DPM1: variants seen among roughly 807,000 people sequenced by gnomAD.
DPM1 encodes dolichyl-phosphate mannosyltransferase subunit 1, catalytic.
DPM1 carries 27 observed loss-of-function variants against 39.0 expected under a neutral mutation model. That is an observed-to-expected ratio of 0.69 (90% confidence interval 0.51 to 0.95). The LOEUF is 0.95. Among genes scored for constraint, DPM1 ranks in the 40% least tolerant of loss-of-function variants. The probability of loss-of-function intolerance (pLI) is 0.00; values close to 1 mark genes in which losing one functional copy is unlikely to be tolerated. For synonymous variants in DPM1, 124 were observed against 109.0 expected, an observed-to-expected ratio of 1.14 and a Z score of -0.86; for missense variants, 307 against 315.6, an observed-to-expected ratio of 0.97 and a Z score of 0.21.
In DPM1 at chr20:50,945,789, AGTCAGT is replaced by A. The variant is rs144008206; in HGVS notation, c.373-33_373-28del. ...TGAAATTTGAAAAGAATAAACAGTA[AGTCAGT>A]AAAACAGGCTAAGACTACCATAAAT... On this transcript the variant is annotated intron_variant, in intron 4 of 8. Transcript: ENST00000371588. 3.4e-3 allele frequency: 5,536 copies of A among 1,609,002 alleles called. 19 individuals carry two copies. Among genetic ancestry groups the A allele is most frequent in the Non-Finnish European group, 4.3e-3 (5,030 of 1,175,624 alleles).
At chr20:50,935,922 AG>A (rs1435516275) in intron 8 of DPM1, among the ~76,000 whole-genome samples, 1 of 152,246 alleles carries the variant, frequency 6.6e-6, no homozygotes, top group Non-Finnish European at 1.5e-5. Flanking sequence ...AGAAAGTACC[AG>A]GAACTTTTAA....
intron 7 of DPM1, among the ~76,000 whole-genome samples, chr20:50,939,142 T>A (rs754523103): frequency 6.6e-6 from 1 of 152,130 alleles, no homozygotes; most frequent in South Asian, 2.1e-4. Context: ...AATCCTTGTA[T>A]GGTTCTGATG....
intron 5 of DPM1, among the ~76,000 whole-genome samples, chr20:50,943,338 GT>G (rs1986018668): frequency 6.6e-6 from 1 of 152,122 alleles, no homozygotes; most frequent in Admixed American, 6.5e-5. Flanking sequence ...ACAATAAACA[GT>G]GCTACAATAA....
At chr20:50,956,924 G>A (rs1305944721) in intron 1 of DPM1, among the ~76,000 whole-genome samples, 1 of 151,962 alleles carries the variant, frequency 6.6e-6, no homozygotes, top group Non-Finnish European at 1.5e-5. Context: ...GAAAAGTTTT[G>A]TTTCCTTTAT....
At chr20:50,955,888 AAAT>A (rs1399183540) in intron 1 of DPM1, among the ~76,000 whole-genome samples, 4 of 152,220 alleles carry the variant, frequency 2.6e-5, no homozygotes, top group Non-Finnish European at 5.9e-5. Flanking sequence ...ACCTATTTGG[AAAT>A]AATATTCTGA....
At chr20:50,940,740 T>C (rs1018859881) in intron 7 of DPM1, 125 bp downstream of exon 7, 6 of 812,506 alleles carry the variant, frequency 7.4e-6, no homozygotes, top group Non-Finnish European at 1.0e-5. Flanking sequence ...CTAGGAATTT[T>C]AGTCTGCCTT....
At position 50,955,193 on chromosome 20, in the gene DPM1, T is replaced by C. The variant is rs1364834319; in HGVS notation, c.254A>G (p.Asp85Gly). 1.2e-6 allele frequency: 2 copies of C among 1,611,036 alleles called. No homozygotes were observed. The highest frequency in any genetic ancestry group is 1.7e-6 in the Non-Finnish European group (2 of 1,178,042). ...AEQLEKIYGS[D>G]RILLRPREKK... ...AATGTTCTTATAACTTACAATTCTG[T>C]CTGACCCATAGATCTTCTCCAACTG... The change falls in exon 2 of 9, where the codon GAC (aspartate) becomes GGC (glycine). Residue 85 changes from aspartate (D) to glycine (G), a missense_variant. Transcript: ENST00000371588.
intron 7 of DPM1, among the ~76,000 whole-genome samples, chr20:50,938,528 G>A (rs942191892): frequency 1.3e-5 from 2 of 151,322 alleles, no homozygotes; most frequent in East Asian, 4.0e-4. Flanking sequence ...GACTACAGGC[G>A]CCCGCCACCA....
rs1345339856 is a variant in DPM1, at chr20:50,935,143, CAA to C, written c.770_771del (p.Phe257CysfsTer18). Reference protein sequence around the residue: ...VSFLKGLLTLFATT With the variant: ...VSFLKGLLTLXATT Reference sequence around the variant, plus strand: ...TGAGTATCTTTCTTTTATGTAGTAGCAAAAAGAGTCAATAATCCTTTCAAGAA... The same window carrying C: ...TGAGTATCTTTCTTTTATGTAGTAGCAAAGAGTCAATAATCCTTTCAAGAA... On this transcript the variant is annotated frameshift_variant, in exon 9 of 9. Coordinates refer to ENST00000371588, the MANE Select transcript of DPM1 (RefSeq NM_003859.3). LOFTEE classifies it high-confidence loss of function. 1.3e-6 allele frequency: 2 copies of C among 1,572,660 alleles called. No homozygotes were observed. The highest frequency in any genetic ancestry group is 1.7e-6 in the Non-Finnish European group (2 of 1,144,328).
intron 7 of DPM1, among the ~76,000 whole-genome samples, chr20:50,938,531 C>T (rs1038255432): frequency 4.6e-5 from 7 of 151,426 alleles, no homozygotes; most frequent in Non-Finnish European, 8.8e-5. Context: ...TACAGGCGCC[C>T]GCCACCACGC....
At chr20:50,941,226 GAATA>G (rs1985712048) in intron 6 of DPM1, 1 of 49,752 alleles carries the variant, frequency 2.0e-5, no homozygotes, top group Admixed American at 3.0e-4. Context: ...AAAAAAAAGT[GAATA>G]TATATATATA....
At chr20:50,958,252 G>C in intron 1 of DPM1, 111 bp downstream of exon 1, 1 of 1,435,938 alleles carries the variant, frequency 7.0e-7, no homozygotes. Context: ...GGGCCTTCCT[G>C]TGTGAGGCAA....
At chr20:50,947,159 G>A (rs1324283919) in intron 3 of DPM1, among the ~76,000 whole-genome samples, 2 of 152,336 alleles carry the variant, frequency 1.3e-5, no homozygotes, top group African/African-American at 2.4e-5. Flanking sequence ...GGTGAGCCGA[G>A]ATCGCGTCAT....
intron 2 of DPM1, among the ~76,000 whole-genome samples, chr20:50,953,449 C>T (rs1009541866): frequency 1.2e-4 from 19 of 152,128 alleles, no homozygotes; most frequent in African/African-American, 3.9e-4. Flanking sequence ...ATTTTCTCAA[C>T]GAAACATACA....
At chr20:50,953,909 G>C (rs1568773442) in intron 2 of DPM1, among the ~76,000 whole-genome samples, 1 of 152,166 alleles carries the variant, frequency 6.6e-6, no homozygotes, top group Non-Finnish European at 1.5e-5. Flanking sequence ...GAAAGTCTCT[G>C]CTAGAAGCCT....
chr20:50,944,415 G>A lies in DPM1; in HGVS notation c.398+1322C>T, dbSNP rs549257376. The A allele has an allele frequency of 9.9e-5, 15 of 152,264 alleles. No homozygotes were observed. The South Asian group carries it at 1.7e-3, about 17-fold the overall frequency. The allele number at this position is 152,264 out of a possible 1,614,324, so 9.4% of individuals were successfully genotyped here. Reference sequence around the variant, plus strand: ...CAAAAAAGGTCTAAGGTGACTTTACGCAGAGATTGAAGGATGAGCAGCAGA... The same window carrying A: ...CAAAAAAGGTCTAAGGTGACTTTACACAGAGATTGAAGGATGAGCAGCAGA... On this transcript the variant is annotated intron_variant, in intron 5 of 8. Coordinates refer to ENST00000371588, the MANE Select transcript of DPM1 (RefSeq NM_003859.3).
At chr20:50,939,248 C>CA (rs546390881) in intron 7 of DPM1, among the ~76,000 whole-genome samples, 152 of 152,304 alleles carry the variant, frequency 1.0e-3, no homozygotes, top group African/African-American at 3.4e-3. Flanking sequence ...GGTTTTTATT[C>CA]AAAACCATCA....
chr20:50,941,243 T>C (rs1399586387), intron 6 of DPM1: 1 of 163,440 alleles, frequency 6.1e-6, no homozygotes, highest in African/African-American at 3.1e-5. Flanking sequence ...TATATATATA[T>C]ATATATATAT....
chr20:50,957,539 A>G (rs1450130254), intron 1 of DPM1, among the ~76,000 whole-genome samples: 1 of 152,228 alleles, frequency 6.6e-6, no homozygotes, highest in African/African-American at 2.4e-5. Flanking sequence ...CTCATCGACA[A>G]AGCAAAAGCC....
Sources: allele counts gnomAD v4.1 joint callset (sites outside exome capture counted in the v4.1 genomes callset), GRCh38; gene constraint gnomAD v4.1.1; transcripts MANE v1.5; gene names NCBI Gene and HGNC (gene_info 2026-07-23, HGNC 2026-07-21).